Variants in CMPK1 observed in about 807,000 individuals in gnomAD.
CMPK1 encodes the protein cytidine/uridine monophosphate kinase 1, also known as UMP-CMP kinase.
A neutral mutation model predicts 25.7 loss-of-function variants in CMPK1; 10 were observed. The observed-to-expected ratio is 0.39, with a 90% confidence interval of 0.24 to 0.66. CMPK1 has a LOEUF of 0.66. Among genes scored for constraint, CMPK1 ranks in the 30% least tolerant of loss-of-function variants. The probability of loss-of-function intolerance (pLI) is 0.48; values close to 1 mark genes in which losing one functional copy is unlikely to be tolerated. For missense variants in CMPK1, 199 were observed against 280.5 expected (o/e 0.71, Z 2.08); for synonymous variants, 106 against 101.5 (o/e 1.04, Z -0.27).
chr1:47,344,914 A>T (rs1646471467), intron 1 of CMPK1, among the ~76,000 whole-genome samples: 1 of 151,520 alleles, frequency 6.6e-6, no homozygotes, highest in African/African-American at 2.4e-5. Context: ...CACGTTTTTC[A>T]TTTATTTATT....
At chr1:47,364,777 GT>G (rs1440420602) in intron 1 of CMPK1, among the ~76,000 whole-genome samples, 2 of 149,308 alleles carry the variant, frequency 1.3e-5, no homozygotes, top group African/African-American at 4.9e-5. Flanking sequence ...TATATGTTTT[GT>G]TTTGTTTTTT....
intron 2 of CMPK1, among the ~76,000 whole-genome samples, chr1:47,370,782 CAAA>C (rs60407679): frequency 2.6e-5 from 3 of 116,382 alleles, no homozygotes; most frequent in African/African-American, 3.5e-5. Flanking sequence ...ACTAAAAATA[CAAA>C]AAAAAAAAAA....
At chr1:47,340,762 T>C (rs1368670129) in intron 1 of CMPK1, among the ~76,000 whole-genome samples, 2 of 151,960 alleles carry the variant, frequency 1.3e-5, no homozygotes, top group Admixed American at 6.6e-5. Flanking sequence ...CTCAGCCTCC[T>C]GAGTAGTTGG....
chr1:47,355,127 A>G (rs1461238910), intron 1 of CMPK1, among the ~76,000 whole-genome samples: 4 of 151,804 alleles, frequency 2.6e-5, no homozygotes, highest in Non-Finnish European at 5.9e-5. Context: ...GCTCACTGCA[A>G]CCTCTGCCTG....
chr1:47,336,215 T>C (rs565394602), intron 1 of CMPK1, among the ~76,000 whole-genome samples: 1 of 152,312 alleles, frequency 6.6e-6, no homozygotes, highest in African/African-American at 2.4e-5. Flanking sequence ...TATGTGATCT[T>C]TCTTAAATAG....
chr1:47,367,317 C>T (rs997546047), intron 1 of CMPK1, among the ~76,000 whole-genome samples: 5 of 152,114 alleles, frequency 3.3e-5, no homozygotes, highest in Non-Finnish European at 7.4e-5. Context: ...ACTACCTTAC[C>T]GTTAACTTAT....
intron 2 of CMPK1, among the ~76,000 whole-genome samples, chr1:47,368,821 C>T (rs1005009355): frequency 4.6e-5 from 7 of 151,992 alleles, no homozygotes; most frequent in South Asian, 2.1e-4. Context: ...AAAAGCCATG[C>T]GTGGTGGCAT....
rs765584691 is a variant in CMPK1, at chr1:47,333,973, C to T, written c.28C>T (p.Leu10Phe). Reference sequence around the variant, plus strand: ...GCTGAGCCGCTGCCGCAGCGGGCTGCTCCACGTCCTGGGCCTTAGCTTCCT... The same window carrying T: ...GCTGAGCCGCTGCCGCAGCGGGCTGTTCCACGTCCTGGGCCTTAGCTTCCT... MLSRCRSGL[L>F]HVLGLSFLLQ... is the part of the protein sequence containing the mutation. Residue 10 changes from leucine (L) to phenylalanine (F), a missense_variant, in exon 1 of 6, where the codon CTC (leucine) becomes TTC (phenylalanine). By Grantham distance (22) the Leu-to-Phe change is conservative. Transcript: ENST00000371873. 73 of 1,510,932 alleles carry T rather than the reference C, an allele frequency of 4.8e-5. No individual in the cohort carries two copies. The highest frequency in any genetic ancestry group is 6.0e-5 in the Non-Finnish European group (68 of 1,125,094). The allele number at this position is 1,510,932 out of a possible 1,614,324, so 93.6% of individuals were successfully genotyped here.
At chr1:47,341,616 T>A (rs1016866454) in intron 1 of CMPK1, among the ~76,000 whole-genome samples, 1 of 152,020 alleles carries the variant, frequency 6.6e-6, no homozygotes, top group African/African-American at 2.4e-5. Context: ...GAGTCTACTT[T>A]AAGATTTTTA....
At chr1:47,374,859 G>A in intron 3 of CMPK1, 50 bp from the exon 4 acceptor site, 2 of 1,430,254 alleles carry the variant, frequency 1.4e-6, no homozygotes, top group Non-Finnish European at 1.9e-6. Context: ...CAGGTTAAAA[G>A]AATGGCAAAT....
In CMPK1 at chr1:47,376,737, G is replaced by C. The variant is rs1464934080; in HGVS notation, c.679G>C (p.Glu227Gln). ...TGAAGTTGTGCAGATTTTTGACAAG[G>C]AAGGCTAATTCTAAACCTGAAGGCA... ...FDEVVQIFDK[E>Q]G The change falls in exon 6 of 6, where the codon GAA (glutamate) becomes CAA (glutamine). Residue 227 changes from glutamate to glutamine, a missense_variant. By Grantham distance (29) the Glu-to-Gln change is conservative. Transcript: ENST00000371873. 6.3e-7 allele frequency: 1 copy of C among 1,580,928 alleles called. No homozygotes were observed. Among genetic ancestry groups the C allele is most frequent in the African/African-American group, 1.3e-5 (1 of 74,240 alleles).
chr1:47,333,855 A>T lies in CMPK1; in HGVS notation c.-91A>T. On this transcript the variant is annotated 5_prime_UTR_variant, in exon 1 of 6. Coordinates refer to ENST00000371873, the MANE Select transcript of CMPK1 (RefSeq NM_016308.3). Reference sequence around the variant, plus strand: ...GCGGGGCCGCGGCGGGCGCCGGCTCAGCCCGCCCCTTTCTCCCGCCGCCTC... The same window carrying T: ...GCGGGGCCGCGGCGGGCGCCGGCTCTGCCCGCCCCTTTCTCCCGCCGCCTC... 1 of 896,708 alleles carries T rather than the reference A, an allele frequency of 1.1e-6. No homozygotes were observed. The highest frequency in any genetic ancestry group is 1.4e-6 in the Non-Finnish European group (1 of 732,580). 55.5% of individuals were successfully genotyped at this position (896,708 alleles called of 1,614,324 possible).
Position 47,377,320 on chromosome 1 carries a change from A to G in CMPK1, c.*575A>G, listed in dbSNP as rs1413877417. On this transcript the variant is annotated 3_prime_UTR_variant, in exon 6 of 6. Coordinates refer to ENST00000371873, the MANE Select transcript of CMPK1 (RefSeq NM_016308.3). Reference sequence around the variant, plus strand: ...TAAGCTTTGTTTTACTACAACTTGTACAAAGTTGTATGACAGGGCATATTC... The same window carrying G: ...TAAGCTTTGTTTTACTACAACTTGTGCAAAGTTGTATGACAGGGCATATTC... The G allele has an allele frequency of 6.6e-6, 1 of 152,274 alleles. No individual in the cohort carries two copies. Among genetic ancestry groups the G allele is most frequent in the Non-Finnish European group, 1.5e-5 (1 of 68,036 alleles). 9.4% of individuals were successfully genotyped at this position (152,274 alleles called of 1,614,324 possible).
intron 1 of CMPK1, chr1:47,358,350 CAACCCTCTCGTCTT>C: frequency 9.5e-7 from 1 of 1,057,052 alleles, no homozygotes; most frequent in South Asian, 1.3e-5. Context: ...TGGCCTCGAG[CAACCCTCTCGTCTT>C]GACCTTCCAA....
At chr1:47,365,410 G>A (rs373905073) in intron 1 of CMPK1, among the ~76,000 whole-genome samples, 60 of 152,058 alleles carry the variant, frequency 3.9e-4, no homozygotes, top group Admixed American at 1.6e-3. Flanking sequence ...GAGGCAGGTG[G>A]ATTGCTTGAG....
At chr1:47,355,798 G>T (rs533072752) in intron 1 of CMPK1, among the ~76,000 whole-genome samples, 1 of 151,644 alleles carries the variant, frequency 6.6e-6, no homozygotes, top group East Asian at 1.9e-4. Flanking sequence ...GTAGAGACAG[G>T]GTTTCACTAT....
At chr1:47,375,908 A>T (rs980632294) in intron 5 of CMPK1, among the ~76,000 whole-genome samples, 4 of 152,340 alleles carry the variant, frequency 2.6e-5, no homozygotes, top group African/African-American at 9.6e-5. Context: ...TAGTCATAAG[A>T]TAAAAAAGAA....
Position 47,334,036 on chromosome 1 carries a change from C to T in CMPK1, c.91C>T (p.Arg31Cys), listed in dbSNP as rs1304329050. The change falls in exon 1 of 6, where the codon CGT becomes TGT. Residue 31 changes from arginine (R) to cysteine (C), a missense_variant. This residue lies in a region of CMPK1 where 59 missense variants were observed against 45.1 expected (regional missense o/e 1.31). Transcript: ENST00000371873. ...CCGGCCGATTCTCCTCTGCTCTCCA[C>T]GTCTCATGAAGCCGCTGGTCGTGTT... ...TRRPILLCSPRLMKPLVVFVL... is the reference protein window; with the variant it reads ...TRRPILLCSPCLMKPLVVFVL... The T allele has an allele frequency of 1.3e-6, 2 of 1,554,968 alleles. No homozygotes were observed. The highest frequency in any genetic ancestry group is 1.4e-5 in the African/African-American group (1 of 72,012).
intron 1 of CMPK1, among the ~76,000 whole-genome samples, chr1:47,342,538 T>C (rs1333926918): frequency 6.6e-6 from 1 of 152,182 alleles, no homozygotes; most frequent in Non-Finnish European, 1.5e-5. Context: ...AACATTATTA[T>C]ATTTCTATCA....
Sources: gnomAD v4.1 joint callset for allele counts (sites outside exome capture counted in the v4.1 genomes callset) on GRCh38, gnomAD v4.1.1 for gene constraint, gnomAD v4.1.1 regional missense constraint, MANE v1.5 for transcripts, NCBI Gene and HGNC (gene_info 2026-07-23, HGNC 2026-07-21) for gene names.